Variants in PXDNL observed in about 807,000 individuals in gnomAD.
PXDNL encodes the protein peroxidasin like.
In PXDNL, 145 loss-of-function variants were observed where a neutral mutation model predicts 150.8. The ratio of observed to expected loss-of-function variants is 0.96; its 90% CI spans 0.84 to 1.10. The LOEUF (loss-of-function observed/expected upper bound fraction) is 1.10, where lower values mean the gene tolerates loss of function less well. PXDNL is among the 50% of genes least tolerant of loss of function. The pLI is 0.00. For missense variants in PXDNL, 2,087 were observed against 1,873.9 expected (o/e 1.11, Z -2.10); for synonymous variants, 757 against 725.7 (o/e 1.04, Z -0.69).
At position 51,411,308 on chromosome 8, in the gene PXDNL, C is replaced by T. The variant is rs79920259; in HGVS notation, c.2004G>A (p.Thr668=). 1,893 of 1,577,662 alleles carry T rather than the reference C, an allele frequency of 1.2e-3. 18 individuals carry two copies. The African/African-American group carries it at 0.023, about 19-fold the overall frequency. The change falls in exon 16 of 23, where the codon ACG becomes ACA. Residue 668 remains threonine (T), a synonymous_variant. Transcript: ENST00000356297. Reference sequence around the variant, plus strand: ...TCACACGTTCCCGTATCAGCTGCAGCGTGTGCTCAAAAATCTCCCCTGCTC... The same window carrying T: ...TCACACGTTCCCGTATCAGCTGCAGTGTGTGCTCAAAAATCTCCCCTGCTC... ...MARAGEIFEH[T]LQLIRERVKQ... is the part of the protein sequence containing the mutation.
chr8:51,430,846 G>C (rs746864406), intron 12 of PXDNL, among the ~76,000 whole-genome samples: 6 of 152,070 alleles, frequency 3.9e-5, no homozygotes, highest in Non-Finnish European at 7.4e-5. Context: ...AGTAAAAATA[G>C]AGTGATTCTA....
intron 2 of PXDNL, among the ~76,000 whole-genome samples, chr8:51,629,217 T>C (rs1159921027): frequency 6.6e-6 from 1 of 151,910 alleles, no homozygotes; most frequent in Non-Finnish European, 1.5e-5. Context: ...GAAGCAGACA[T>C]AGTGGAGATT....
chr8:51,453,097 G>A (rs938056194), intron 10 of PXDNL, among the ~76,000 whole-genome samples: 1 of 152,210 alleles, frequency 6.6e-6, no homozygotes, highest in Non-Finnish European at 1.5e-5. Flanking sequence ...TATTGCTGTT[G>A]TTACGCAGTC....
At chr8:51,623,088 A>C (rs543945176) in intron 2 of PXDNL, among the ~76,000 whole-genome samples, 3 of 152,280 alleles carry the variant, frequency 2.0e-5, no homozygotes, top group East Asian at 3.9e-4. Flanking sequence ...TTAAAATTTC[A>C]ATTTTCAGTT....
intron 2 of PXDNL, among the ~76,000 whole-genome samples, chr8:51,610,467 C>T (rs1217583606): frequency 6.6e-6 from 1 of 152,124 alleles, no homozygotes; most frequent in East Asian, 1.9e-4. Flanking sequence ...AGACCTTTCC[C>T]TCTCTTTATG....
chr8:51,344,187 C>T (rs1410415084), intron 20 of PXDNL, among the ~76,000 whole-genome samples: 1 of 152,078 alleles, frequency 6.6e-6, no homozygotes, highest in African/African-American at 2.4e-5. Context: ...TCATGGGAAC[C>T]TCAAACTCCT....
chr8:51,456,604 A>T (rs1048289012), intron 9 of PXDNL, among the ~76,000 whole-genome samples: 1 of 152,212 alleles, frequency 6.6e-6, no homozygotes, highest in Non-Finnish European at 1.5e-5. Flanking sequence ...TAGCATCAAA[A>T]CTAACAAATT....
intron 21 of PXDNL, among the ~76,000 whole-genome samples, chr8:51,321,462 C>T (rs760270306): frequency 6.6e-6 from 1 of 152,018 alleles, no homozygotes; most frequent in South Asian, 2.1e-4. Context: ...GGCTTTGTGT[C>T]CCCACCCAAT....
At chr8:51,570,993 C>T (rs1345495254) in intron 3 of PXDNL, among the ~76,000 whole-genome samples, 2 of 151,592 alleles carry the variant, frequency 1.3e-5, no homozygotes, top group Non-Finnish European at 2.9e-5. Context: ...CTATGTTCTG[C>T]ATTATTTCAG....
intron 1 of PXDNL, among the ~76,000 whole-genome samples, chr8:51,723,404 G>A (rs1008205739): frequency 4.6e-5 from 7 of 152,312 alleles, no homozygotes; most frequent in Non-Finnish European, 1.0e-4. Context: ...CTCAGATGCT[G>A]GCTTCCCAGA....
At chr8:51,325,296 G>A (rs1805448750) in intron 21 of PXDNL, among the ~76,000 whole-genome samples, 1 of 152,208 alleles carries the variant, frequency 6.6e-6, no homozygotes, top group African/African-American at 2.4e-5. Flanking sequence ...AAACCTGGAG[G>A]TTTTGGATCT....
chr8:51,429,406 C>A (rs1017422914), intron 12 of PXDNL, among the ~76,000 whole-genome samples: 1 of 152,064 alleles, frequency 6.6e-6, no homozygotes, highest in Non-Finnish European at 1.5e-5. Flanking sequence ...ATGGTGAAAC[C>A]CTGTCTCTAC....
At chr8:51,342,544 C>T (rs559352245) in intron 20 of PXDNL, among the ~76,000 whole-genome samples, 55 of 151,864 alleles carry the variant, frequency 3.6e-4, no homozygotes, top group African/African-American at 1.3e-3. Flanking sequence ...TGAAAACACA[C>T]AATATGAAGA....
chr8:51,808,598 G>A (rs1226689886), intron 1 of PXDNL, among the ~76,000 whole-genome samples: 1 of 152,096 alleles, frequency 6.6e-6, no homozygotes, highest in Non-Finnish European at 1.5e-5. Flanking sequence ...CCTAGATGCC[G>A]ATTAGTCTAA....
At chr8:51,365,800 A>T (rs988335917) in intron 19 of PXDNL, among the ~76,000 whole-genome samples, 1 of 152,208 alleles carries the variant, frequency 6.6e-6, no homozygotes, top group South Asian at 2.1e-4. Context: ...AACCTTACCA[A>T]AAAGGGAGAG....
chr8:51,663,769 G>C (rs973197910), intron 1 of PXDNL, among the ~76,000 whole-genome samples: 1 of 152,164 alleles, frequency 6.6e-6, no homozygotes, highest in African/African-American at 2.4e-5. Context: ...GATCAAGAGA[G>C]ATGAGGGGGC....
chr8:51,671,421 G>C (rs1468278371), intron 1 of PXDNL, among the ~76,000 whole-genome samples: 1 of 152,074 alleles, frequency 6.6e-6, no homozygotes, highest in Admixed American at 6.5e-5. Context: ...TGATCTTCCA[G>C]AAATAACAGC....
At position 51,371,964 on chromosome 8, in the gene PXDNL, A is replaced by C. The variant is rs751508764; in HGVS notation, c.3810T>G (p.Asp1270Glu). The change falls in exon 19 of 23, where the codon GAT becomes GAG. Residue 1270 changes from aspartate to glutamate, a missense_variant. Physicochemically the swap from Asp to Glu is conservative, Grantham distance 45. Coordinates refer to ENST00000356297, the MANE Select transcript of PXDNL (RefSeq NM_144651.5). ...GTGGGTATTCTGCCTTTACAAAGAC[A>C]TCAGCCTGCACTTGCTGAATGCTGT... is the stretch of plus-strand genomic sequence containing the variant. ...NGDSIQQVQA[D>E]VFVKAEYPQD... 30 of 1,613,832 alleles carry C rather than the reference A, an allele frequency of 1.9e-5. No homozygotes were observed. Among genetic ancestry groups the C allele is most frequent in the Non-Finnish European group, 2.4e-5 (28 of 1,179,890 alleles).
At chr8:51,789,692 G>A (rs956111114) in intron 1 of PXDNL, among the ~76,000 whole-genome samples, 2 of 151,986 alleles carry the variant, frequency 1.3e-5, no homozygotes, top group African/African-American at 2.4e-5. Context: ...GCTTGCACTT[G>A]GTCTGTTTTT....
Sources: gnomAD v4.1 joint callset for allele counts (sites outside exome capture counted in the v4.1 genomes callset) on GRCh38, gnomAD v4.1.1 for gene constraint, MANE v1.5 for transcripts, NCBI Gene and HGNC (gene_info 2026-07-23, HGNC 2026-07-21) for gene names.